Variants in GPX8 observed in about 807,000 individuals in gnomAD.
The protein encoded by GPX8 is protein peroxidase GPX8.
Under a neutral mutation model 17.8 loss-of-function variants are expected in GPX8, and 12 were observed. That is an observed-to-expected ratio of 0.67 (90% CI 0.43 to 1.09). GPX8 has a LOEUF of 1.09. Among genes scored for constraint, GPX8 ranks in the 50% least tolerant of loss-of-function variants. The pLI is 0.00. For synonymous variants in GPX8, 86 were observed against 88.1 expected, an observed-to-expected ratio of 0.98 and a Z score of 0.14; for missense variants, 209 against 235.6, an observed-to-expected ratio of 0.89 and a Z score of 0.74.
At chr5:55,164,009 C>T in intron 2 of GPX8, 46 bp from the exon 3 acceptor site, 1 of 1,381,838 alleles carries the variant, frequency 7.2e-7, no homozygotes. Context: ...AAAATCTTGA[C>T]AAAGAATAAA....
intron 1 of GPX8, chr5:55,160,698 G>C: frequency 2.2e-6 from 1 of 452,592 alleles, no homozygotes; most frequent in South Asian, 3.9e-5. Flanking sequence ...AAAAGTATTG[G>C]TTCTATAATC....
intron 2 of GPX8, among the ~76,000 whole-genome samples, chr5:55,163,395 C>T (rs1236498336): frequency 6.6e-6 from 1 of 152,066 alleles, no homozygotes; most frequent in Non-Finnish European, 1.5e-5. Flanking sequence ...TGATTATTCA[C>T]TTTGGGAGGC....
chr5:55,162,978 C>T (rs1413186031), intron 2 of GPX8, among the ~76,000 whole-genome samples: 1 of 152,168 alleles, frequency 6.6e-6, no homozygotes, highest in East Asian at 1.9e-4. Context: ...TGTGTCTAGG[C>T]TTCCATTTAT....
At chr5:55,161,315 C>T in intron 2 of GPX8, 60 bp downstream of exon 2, 1 of 1,417,110 alleles carries the variant, frequency 7.1e-7, no homozygotes, top group Non-Finnish European at 9.7e-7. Flanking sequence ...ACAATTATAC[C>T]AGGACAATAC....
intron 2 of GPX8, among the ~76,000 whole-genome samples, chr5:55,162,630 C>A (rs933058187): frequency 6.6e-6 from 1 of 152,176 alleles, no homozygotes; most frequent in South Asian, 2.1e-4. Context: ...TGATATAATG[C>A]CTAACGCCAT....
intron 1 of GPX8, 77 bp from the exon 2 acceptor site, chr5:55,160,917 A>G (rs990504380): frequency 4.0e-5 from 59 of 1,457,642 alleles, no homozygotes; most frequent in Non-Finnish European, 5.2e-5. Flanking sequence ...CAAATTGTTT[A>G]GGATTTTAAC....
rs915501536 is a variant in GPX8 at position 55,166,079 on chromosome 5, T to C, written c.*1861T>C. ...CCAAGTGTTGGTGCCAGAGCACTCT[T>C]GCCTTGTATCCTCACCTACGCCTTC... On this transcript the variant is annotated 3_prime_UTR_variant, in exon 3 of 3. Coordinates refer to ENST00000503787, the MANE Select transcript of GPX8 (RefSeq NM_001008397.4). 2.0e-5 allele frequency: 3 copies of C among 152,236 alleles called. No homozygotes were observed. The highest frequency in any genetic ancestry group is 4.8e-5 in the African/African-American group (2 of 41,462). The allele number at this position is 152,236 out of a possible 1,614,324, so 9.4% of individuals were successfully genotyped here.
chr5:55,161,349 G>T, intron 2 of GPX8, 94 bp downstream of exon 2: 1 of 1,226,710 alleles, frequency 8.2e-7, no homozygotes, highest in Admixed American at 2.1e-5. Context: ...TTGAAACGTT[G>T]TATCGGGAAA....
chr5:55,162,115 G>A (rs1447516312), intron 2 of GPX8, among the ~76,000 whole-genome samples: 75 of 135,388 alleles, frequency 5.5e-4, no homozygotes, highest in Non-Finnish European at 2.1e-4. Context: ...AAAAAAAAAG[G>A]CCGGGCGCGG....
At position 55,166,736 on chromosome 5, in the gene GPX8, A is replaced by G. The variant is rs1402902308; in HGVS notation, c.*2518A>G. The G allele has an allele frequency of 6.6e-6, 1 of 152,318 alleles. No individual in the cohort carries two copies. Among genetic ancestry groups the G allele is most frequent in the East Asian group, 1.9e-4 (1 of 5,192 alleles). 9.4% of individuals were successfully genotyped at this position (152,318 alleles called of 1,614,324 possible). On this transcript the variant is annotated 3_prime_UTR_variant, in exon 3 of 3. Transcript: ENST00000503787. ...GGGCTAAGGACTGTAACAGAAAAAT[A>G]TCAACATCAGAGCCTGGCACAGTGG...
In GPX8 at chr5:55,166,502, C is replaced by T. The variant is rs887495637; in HGVS notation, c.*2284C>T. On this transcript the variant is annotated 3_prime_UTR_variant, in exon 3 of 3. Transcript: ENST00000503787. ...AAGAAAGGACATTCAGGTGTCCCTT[C>T]GGGGTTCTGTAACAATTAGGCTATG... is the stretch of plus-strand genomic sequence containing the variant. 7.2e-5 allele frequency: 11 copies of T among 152,142 alleles called. No individual in the cohort carries two copies. The highest frequency in any genetic ancestry group is 2.4e-4 in the African/African-American group (10 of 41,406). 9.4% of individuals were successfully genotyped at this position (152,142 alleles called of 1,614,324 possible). A position where few individuals can be genotyped will look rare whatever the true frequency, so the allele number is the denominator to read the frequency against.
At chr5:55,160,863 C>A in intron 1 of GPX8, 131 bp from the exon 2 acceptor site, 1 of 993,908 alleles carries the variant, frequency 1.0e-6, no homozygotes, top group Non-Finnish European at 1.4e-6. Context: ...CTGTGTATGT[C>A]CAAAAATATG....
Position 55,164,213 on chromosome 5 carries a change from C to A in GPX8, c.625C>A (p.Leu209Ile). The change falls in exon 3 of 3, where the codon CTA becomes ATA. Residue 209 changes from leucine (L) to isoleucine (I), a missense_variant. Transcript: ENST00000503787. ...AGTGATCATAAAAAAGAAAGAGGAT[C>A]TATGAGAATGCCATTGCGTTTCTAA... The part of the protein sequence containing the change: ...RQVIIKKKED[L>I] 1 of 1,535,978 alleles carries A rather than the reference C, an allele frequency of 6.5e-7. No homozygotes were observed. Among genetic ancestry groups the A allele is most frequent in the South Asian group, 1.3e-5 (1 of 79,046 alleles).
intron 2 of GPX8, among the ~76,000 whole-genome samples, chr5:55,163,354 A>G (rs1425984012): frequency 6.6e-6 from 1 of 151,288 alleles, no homozygotes; most frequent in Non-Finnish European, 1.5e-5. Context: ...AGACCCTGCC[A>G]AAAAAAAAGT....
rs1744290473 is a variant in GPX8 at position 55,164,752 on chromosome 5, A to G, written c.*534A>G. 1 of 152,258 alleles carries G rather than the reference A, an allele frequency of 6.6e-6. No homozygotes were observed. 9.4% of individuals were successfully genotyped at this position (152,258 alleles called of 1,614,324 possible). A position where few individuals can be genotyped will look rare whatever the true frequency, so the allele number is the denominator to read the frequency against. ...ATGTAAAATATATATACATAGATTC[A>G]AATCCTTATATATGTATGCTTGTTT... On this transcript the variant is annotated 3_prime_UTR_variant, in exon 3 of 3. Coordinates refer to ENST00000503787, the MANE Select transcript of GPX8 (RefSeq NM_001008397.4).
At chr5:55,160,848 T>C in intron 1 of GPX8, 146 bp from the exon 2 acceptor site, 2 of 827,194 alleles carry the variant, frequency 2.4e-6, no homozygotes, top group Non-Finnish European at 3.6e-6. Flanking sequence ...CAGTTTTCAA[T>C]AGAACTGTGT....
chr5:55,161,146 C>G lies in GPX8; in HGVS notation c.357C>G (p.Ser119Arg), dbSNP rs542981574. 1.2e-6 allele frequency: 2 copies of G among 1,614,186 alleles called. No individual in the cohort carries two copies. Among genetic ancestry groups the G allele is most frequent in the African/African-American group, 1.3e-5 (1 of 75,030 alleles). ...TTGGAGAATCGGAGCCCCGCCCAAG[C>G]AAGGAAGTAGAATCTTTTGCAAGAA... Reference protein sequence around the residue: ...NQFGESEPRPSKEVESFARKN... With the variant: ...NQFGESEPRPRKEVESFARKN... Residue 119 changes from serine to arginine, a missense_variant, in exon 2 of 3, where the codon AGC becomes AGG. By Grantham distance (110) the Ser-to-Arg change is moderately radical (BLOSUM62 -1). Coordinates refer to ENST00000503787, the MANE Select transcript of GPX8 (RefSeq NM_001008397.4).
chr5:55,165,035 T>C lies in GPX8; in HGVS notation c.*817T>C, dbSNP rs1418453626. 1 of 152,180 alleles carries C rather than the reference T, an allele frequency of 6.6e-6. No individual in the cohort carries two copies. The highest frequency in any genetic ancestry group is 6.5e-5 in the Admixed American group (1 of 15,280). The allele number at this position is 152,180 out of a possible 1,614,324, so 9.4% of individuals were successfully genotyped here. ...AATCCCAAGTGTAGAAAAAAGGACATGAGTATAAGATCATTTAACTTGATT... is the reference window on the plus strand; with the variant it reads ...AATCCCAAGTGTAGAAAAAAGGACACGAGTATAAGATCATTTAACTTGATT... On this transcript the variant is annotated 3_prime_UTR_variant, in exon 3 of 3. Transcript: ENST00000503787.
rs559722312 is a variant in GPX8 at position 55,164,531 on chromosome 5, C to T, written c.*313C>T. ...ATATTAACTACTTCCTCTGACCATA[C>T]TAAAGAATTCAGAATACACAGTGAC... is the stretch of plus-strand genomic sequence containing the variant. On this transcript the variant is annotated 3_prime_UTR_variant, in exon 3 of 3. Transcript: ENST00000503787. The T allele has an allele frequency of 5.9e-6, 1 of 170,922 alleles. No homozygotes were observed. The highest frequency in any genetic ancestry group is 1.5e-4 in the East Asian group (1 of 6,484). The allele number at this position is 170,922 out of a possible 1,614,324, so 10.6% of individuals were successfully genotyped here.
Sources: allele counts gnomAD v4.1 joint callset (sites outside exome capture counted in the v4.1 genomes callset), GRCh38; gene constraint gnomAD v4.1.1; transcripts MANE v1.5; gene names NCBI Gene and HGNC (gene_info 2026-07-23, HGNC 2026-07-21).